The following TRMU variants were observed in gnomAD, a reference collection of about 807,000 sequenced individuals.
The protein encoded by TRMU is tRNA mitochondrial 2-thiouridylase.
Under a neutral mutation model 46.9 loss-of-function variants are expected in TRMU, and 49 were observed. That is an observed-to-expected ratio of 1.05 (90% CI 0.83 to 1.33). The LOEUF is 1.33. Ranked by LOEUF, TRMU falls within the 40% of genes most tolerant of loss-of-function variation. The pLI, the probability that TRMU is intolerant of heterozygous loss-of-function variation, is 0.00. For missense variants in TRMU, 572 were observed against 532.4 expected, an observed-to-expected ratio of 1.07 and a Z score of -0.73; for synonymous variants, 241 against 200.9, an observed-to-expected ratio of 1.20 and a Z score of -1.69.
Position 46,348,752 on chromosome 22 carries a change from G to A in TRMU, c.479-1539G>A, listed in dbSNP as rs1445240891. Among the ~76,000 whole-genome samples the A allele has an allele frequency of 6.6e-6, 1 of 152,174 alleles. No homozygotes were observed. Among genetic ancestry groups the A allele is most frequent in the Non-Finnish European group, 1.5e-5 (1 of 68,038 alleles). On this transcript the variant is annotated intron_variant, in intron 4 of 10. Transcript: ENST00000645190. This position sits in a 1 kb window ranked among gnomAD's most constrained non-coding sequence, Gnocchi z 4.8. ...GATTTTTAGTTTGTTTTAAAATGAC[G>A]CAGAACTAGGAGAAAATGCAAATGG...
Position 46,339,938 on chromosome 22 carries a change from GAAA to G in TRMU, c.248+2002_248+2004del, listed in dbSNP as rs71905917. Among the ~76,000 whole-genome samples, 6,909 of 147,422 alleles carry G rather than the reference GAAA, an allele frequency of 0.047. 522 individuals carry two copies. Among genetic ancestry groups the G allele is most frequent in the African/African-American group, 0.16 (6,533 of 40,586 alleles). On this transcript the variant is annotated intron_variant, in intron 2 of 10. Coordinates refer to ENST00000645190, the MANE Select transcript of TRMU (RefSeq NM_018006.5). The surrounding 1 kb of genome is among the most constrained non-coding windows in gnomAD (Gnocchi z 4.8). The stretch of plus-strand genomic sequence containing the variant: ...TTCTGCAGTTTTCTCGGGGACATAA[GAAA>G]AAAAAAAGAGTGTGGCGGCCAAATA...
chr22:46,351,865 G>T lies in TRMU; in HGVS notation c.652-256G>T. ...TGACCGGGTTCTGCTTTCTTCCCCG[G>T]GGCAGCTGGTGTGAGGGTCTCCCGC... On this transcript the variant is annotated intron_variant, in intron 5 of 10. Coordinates refer to ENST00000645190, the MANE Select transcript of TRMU (RefSeq NM_018006.5). The surrounding 1 kb of genome is among the most constrained non-coding windows in gnomAD (Gnocchi z 6.4). 1.7e-6 allele frequency: 1 copy of T among 581,996 alleles called. No homozygotes were observed. Among genetic ancestry groups the T allele is most frequent in the East Asian group, 3.0e-5 (1 of 33,416 alleles). The allele number at this position is 581,996 out of a possible 1,614,324, so 36.1% of individuals were successfully genotyped here.
chr22:46,345,288 G>A (rs1237538244), intron 3 of TRMU, among the ~76,000 whole-genome samples: 1 of 152,130 alleles, frequency 6.6e-6, no homozygotes, highest in African/African-American at 2.4e-5. Context: ...GGCCAGGCTG[G>A]TCTCAAACTC....
chr22:46,353,987 T>G (rs1348128673), intron 8 of TRMU, 120 bp downstream of exon 8: 22 of 871,140 alleles, frequency 2.5e-5, no homozygotes, highest in Non-Finnish European at 3.6e-5. Context: ...TGTGACTAAC[T>G]CTGTTCCTGT....
In TRMU at chr22:46,350,547, G is replaced by A. The variant is rs1259467889; in HGVS notation, c.651+84G>A. ...CGGAGCAGCTGGACCTGTGGGTCCC[G>A]CACCACTTCCCCTTCTCCAGGACCT... On this transcript the variant is annotated intron_variant, in intron 5 of 10. Transcript: ENST00000645190. This position sits in a 1 kb window ranked among gnomAD's most constrained non-coding sequence, Gnocchi z 4.6. 12 of 1,530,988 alleles carry A rather than the reference G, an allele frequency of 7.8e-6. No individual in the cohort carries two copies. Among genetic ancestry groups the A allele is most frequent in the South Asian group, 1.1e-5 (1 of 88,574 alleles). The allele number at this position is 1,530,988 out of a possible 1,614,324, so 94.8% of individuals were successfully genotyped here. A position where few individuals can be genotyped will look rare whatever the true frequency, so the allele number is the denominator to read the frequency against.
chr22:46,356,738 G>C (rs1015256524), intron 10 of TRMU, 104 bp from the exon 11 acceptor site: 2 of 1,386,858 alleles, frequency 1.4e-6, no homozygotes, highest in African/African-American at 1.4e-5. Context: ...CTCAGTGCCT[G>C]GTGCTCCGAG....
Position 46,335,823 on chromosome 22 carries a change from C to T in TRMU, c.59C>T (p.Ala20Val). ...ALSGGVDSAV[A>V]ALLLRRRGYQ... ...TCCGGCGGCGTGGACAGCGCCGTGG[C>T]CGCGCTGCTGCTGAGGCGGAGAGGT... The change falls in exon 1 of 11, where the codon GCC becomes GTC. Residue 20 changes from alanine (A) to valine (V), a missense_variant. By Grantham distance (64) the Ala-to-Val change is moderately conservative. Transcript: ENST00000645190. The T allele has an allele frequency of 6.4e-7, 1 of 1,555,680 alleles. No individual in the cohort carries two copies. The highest frequency in any genetic ancestry group is 8.6e-7 in the Non-Finnish European group (1 of 1,156,208).
chr22:46,356,782 C>A, intron 10 of TRMU, 60 bp from the exon 11 acceptor site: 2 of 1,600,632 alleles, frequency 1.2e-6, no homozygotes, highest in Non-Finnish European at 1.7e-6. Flanking sequence ...GCACTCTGCC[C>A]CTGCCTGCCC....
intron 3 of TRMU, among the ~76,000 whole-genome samples, chr22:46,346,014 G>T (rs2078246296): frequency 6.6e-6 from 1 of 152,042 alleles, no homozygotes; most frequent in Non-Finnish European, 1.5e-5. Flanking sequence ...GCAATCATCT[G>T]CCCGCCTCGG....
At chr22:46,356,427 G>T (rs769984055) in intron 10 of TRMU, 1 of 427,594 alleles carries the variant, frequency 2.3e-6, no homozygotes, top group Non-Finnish European at 4.4e-6. Flanking sequence ...AGCTCCCAGG[G>T]TGGGCGCCTG....
rs1569072157 is a variant in TRMU, at chr22:46,346,545, G to A, written c.478+1G>A. ...AGAAATCGGTTTGAAGTTAGAAATG[G>A]TAAGTTCATGTGCCCAGGTCAGAGC... On this transcript the variant is annotated splice_donor_variant, in intron 4 of 10. Transcript: ENST00000645190. LOFTEE classifies it high-confidence loss of function. 2 of 1,609,648 alleles carry A rather than the reference G, an allele frequency of 1.2e-6. No individual in the cohort carries two copies. The highest frequency in any genetic ancestry group is 1.7e-6 in the Non-Finnish European group (2 of 1,177,208).
Position 46,336,711 on chromosome 22 carries a change from CCAT to C in TRMU, c.82+866_82+868del. The C allele has an allele frequency of 6.6e-6, 1 of 152,166 alleles. No homozygotes were observed. Among genetic ancestry groups the C allele is most frequent in the East Asian group, 1.9e-4 (1 of 5,186 alleles). 9.4% of individuals were successfully genotyped at this position (152,166 alleles called of 1,614,324 possible). On this transcript the variant is annotated intron_variant, in intron 1 of 10. Coordinates refer to ENST00000645190, the MANE Select transcript of TRMU (RefSeq NM_018006.5). The surrounding 1 kb of genome is among the most constrained non-coding windows in gnomAD (Gnocchi z 4.1). ...GGCTATTAGTTTATATTGTTAATAA[CCAT>C]AGCTATTATGGTAGGTACAGTAAGT...
rs1163730426 is a variant in TRMU, at chr22:46,338,105, C to CT, written c.248+162dup. On this transcript the variant is annotated intron_variant, in intron 2 of 10. Coordinates refer to ENST00000645190, the MANE Select transcript of TRMU (RefSeq NM_018006.5). This position sits in a 1 kb window ranked among gnomAD's most constrained non-coding sequence, Gnocchi z 4.5. ...AGAGGCCTCAGCCACCCTCGGGGCT[C>CT]TGTGTTAGAGGCGAGGCCTGGACCC... 1.0e-5 allele frequency: 10 copies of CT among 979,318 alleles called. No homozygotes were observed. Among genetic ancestry groups the CT allele is most frequent in the Non-Finnish European group, 1.4e-5 (9 of 632,614 alleles). The allele number at this position is 979,318 out of a possible 1,614,324, so 60.7% of individuals were successfully genotyped here.
chr22:46,355,888 G>T, intron 9 of TRMU, 102 bp from the exon 10 acceptor site: 1 of 1,347,006 alleles, frequency 7.4e-7, no homozygotes, highest in South Asian at 1.2e-5. Context: ...CCTCTAAGCA[G>T]GGGTTTTTGA....
At chr22:46,352,368 C>A in intron 7 of TRMU, 38 bp downstream of exon 7, 1 of 1,610,006 alleles carries the variant, frequency 6.2e-7, no homozygotes, top group East Asian at 2.2e-5. Flanking sequence ...TCTGAAATGC[C>A]TAGAGCTGTG....
rs893469639 is a variant in TRMU at position 46,349,188 on chromosome 22, C to G, written c.479-1103C>G. The stretch of plus-strand genomic sequence containing the variant: ...GGAAAGTGCTCTGCTTCCGTGGCGA[C>G]TGGTCGGCTGAACTTGGTCTCACTT... On this transcript the variant is annotated intron_variant, in intron 4 of 10. Coordinates refer to ENST00000645190, the MANE Select transcript of TRMU (RefSeq NM_018006.5). This position sits in a 1 kb window ranked among gnomAD's most constrained non-coding sequence, Gnocchi z 4.6. 6.6e-6 allele frequency among the ~76,000 whole-genome samples: 1 copy of G among 151,524 alleles called. No individual in the cohort carries two copies. Among genetic ancestry groups the G allele is most frequent in the African/African-American group, 2.4e-5 (1 of 41,286 alleles).
intron 3 of TRMU, among the ~76,000 whole-genome samples, chr22:46,344,160 AC>A (rs1555896743): frequency 5.3e-5 from 8 of 152,350 alleles, no homozygotes. Flanking sequence ...GATTGGAAAG[AC>A]CTAGCTTGGT....
chr22:46,351,366 C>T lies in TRMU; in HGVS notation c.652-755C>T, dbSNP rs570656606. Among the ~76,000 whole-genome samples, 55 of 152,222 alleles carry T rather than the reference C, an allele frequency of 3.6e-4. No homozygotes were observed. Among genetic ancestry groups the T allele is most frequent in the African/African-American group, 1.3e-3 (52 of 41,552 alleles). On this transcript the variant is annotated intron_variant, in intron 5 of 10. Coordinates refer to ENST00000645190, the MANE Select transcript of TRMU (RefSeq NM_018006.5). This position sits in a 1 kb window ranked among gnomAD's most constrained non-coding sequence, Gnocchi z 6.4. ...GTGTTGGCGGAACTAGGATGAAGCC[C>T]GTGGGAGGGCCTTGGGGATGGAGGG...
intron 2 of TRMU, among the ~76,000 whole-genome samples, chr22:46,340,769 G>A (rs925542603): frequency 3.3e-5 from 5 of 152,064 alleles, no homozygotes; most frequent in Non-Finnish European, 5.9e-5. Flanking sequence ...AGCGGAGCTG[G>A]GATTAAAACC....
Sources: allele counts gnomAD v4.1 joint callset (sites outside exome capture counted in the v4.1 genomes callset), GRCh38; gene constraint gnomAD v4.1.1; non-coding constraint Gnocchi (gnomAD v3.1); transcripts MANE v1.5; gene names NCBI Gene and HGNC (gene_info 2026-07-23, HGNC 2026-07-21).